UBAC1: variants seen among roughly 807,000 people sequenced by gnomAD.
UBAC1 encodes UBA domain containing 1, also known as ubiquitin-associated domain-containing protein 1.
In UBAC1, 27 loss-of-function variants were observed where a neutral mutation model predicts 45.9. The ratio of observed to expected loss-of-function variants is 0.59; its 90% confidence interval spans 0.43 to 0.81. The LOEUF (loss-of-function observed/expected upper bound fraction) is 0.81. UBAC1 is among the 30% of genes least tolerant of loss of function. The pLI, the probability that UBAC1 is intolerant of heterozygous loss-of-function variation, is 0.00. For synonymous variants in UBAC1, 227 were observed against 215.5 expected (o/e 1.05, Z -0.47); for missense variants, 529 against 539.2 (o/e 0.98, Z 0.19).
At chr9:135,940,449 A>G (rs962824175) in intron 7 of UBAC1, among the ~76,000 whole-genome samples, 13 of 151,906 alleles carry the variant, frequency 8.6e-5, no homozygotes, top group South Asian at 2.1e-4. Context: ...GCGTGGTGGC[A>G]GGCGCCTGTA....
rs994472348 is a variant in UBAC1 at position 135,952,140 on chromosome 9, G to A, written c.333+1540C>T. Among the ~76,000 whole-genome samples, 11 of 152,238 alleles carry A rather than the reference G, an allele frequency of 7.2e-5. No individual in the cohort carries two copies. The East Asian group carries it at 1.2e-3, about 16-fold the overall frequency. On this transcript the variant is annotated intron_variant, in intron 3 of 9. Transcript: ENST00000371756. ...TCTGTCCGCTGCAGATGGGTGGGGC[G>A]GCAGCCTGTGTGTCACTCATGCGTG...
chr9:135,948,566 C>A (rs1337700824), intron 3 of UBAC1, among the ~76,000 whole-genome samples: 9 of 152,256 alleles, frequency 5.9e-5, no homozygotes. Context: ...TCCAGTCCTG[C>A]CGGCAACTCC....
At chr9:135,941,637 T>C (rs1450634641) in intron 7 of UBAC1, among the ~76,000 whole-genome samples, 1 of 152,222 alleles carries the variant, frequency 6.6e-6, no homozygotes, top group Non-Finnish European at 1.5e-5. Flanking sequence ...GCCCAGGAAA[T>C]GATGCCCCAG....
In UBAC1 at chr9:135,938,248, C is replaced by A; in HGVS notation, c.1076G>T (p.Gly359Val). 1.9e-6 allele frequency: 3 copies of A among 1,614,108 alleles called. No individual in the cohort carries two copies. Among genetic ancestry groups the A allele is most frequent in the Non-Finnish European group, 2.5e-6 (3 of 1,180,022 alleles). Residue 359 changes from glycine (G) to valine (V), a missense_variant, in exon 9 of 10, where the codon GGC becomes GTC. Transcript: ENST00000371756. ...TAGCAATGTTTTCGGGTTGGTCAGGCCCAGCTGCACCACCGGGTTATCCAG... is the reference window on the plus strand; with the variant it reads ...TAGCAATGTTTTCGGGTTGGTCAGGACCAGCTGCACCACCGGGTTATCCAG... ...AILDNPVVQLGLTNPKTLLAF... is the reference protein window; with the variant it reads ...AILDNPVVQLVLTNPKTLLAF...
intron 3 of UBAC1, chr9:135,948,121 G>A: frequency 2.0e-6 from 1 of 509,076 alleles, no homozygotes; most frequent in Admixed American, 3.7e-5. Context: ...GTAAATAAGA[G>A]TGAAGCGGTA....
chr9:135,936,945 T>C (rs1423916722), intron 9 of UBAC1, among the ~76,000 whole-genome samples: 1 of 152,184 alleles, frequency 6.6e-6, no homozygotes, highest in Non-Finnish European at 1.5e-5. Flanking sequence ...AGGGTCAGCA[T>C]CCAGGAGGTG....
intron 3 of UBAC1, among the ~76,000 whole-genome samples, chr9:135,950,627 T>C (rs1839395746): frequency 6.6e-6 from 1 of 152,180 alleles, no homozygotes; most frequent in Admixed American, 6.5e-5. Context: ...ATACTAGTAA[T>C]GAAAACCCTG....
intron 9 of UBAC1, among the ~76,000 whole-genome samples, chr9:135,936,156 G>C (rs771134734): frequency 6.6e-6 from 1 of 152,078 alleles, no homozygotes; most frequent in Non-Finnish European, 1.5e-5. Context: ...ACTCTAGCCT[G>C]GGTGACAGAG....
At chr9:135,960,101 C>A (rs564468605) in intron 1 of UBAC1, among the ~76,000 whole-genome samples, 1 of 152,242 alleles carries the variant, frequency 6.6e-6, no homozygotes, top group Non-Finnish European at 1.5e-5. Context: ...CCTGTCAACA[C>A]AGATACGTCG....
chr9:135,947,550 T>C (rs939003902), intron 4 of UBAC1: 6 of 428,344 alleles, frequency 1.4e-5, no homozygotes, highest in South Asian at 5.5e-5. Context: ...CAGGGCCGGA[T>C]TGACGTTTTC....
At chr9:135,935,513 T>A (rs1839193003) in intron 9 of UBAC1, among the ~76,000 whole-genome samples, 1 of 152,122 alleles carries the variant, frequency 6.6e-6, no homozygotes, top group African/African-American at 2.4e-5. Context: ...GGCATGGTCG[T>A]GCATGCCTGT....
At chr9:135,947,260 T>C (rs1839349610) in intron 4 of UBAC1, among the ~76,000 whole-genome samples, 1 of 152,118 alleles carries the variant, frequency 6.6e-6, no homozygotes, top group Non-Finnish European at 1.5e-5. Context: ...GTGTGTTTTT[T>C]TTTTTCTTGA....
At position 135,961,124 on chromosome 9, in the gene UBAC1, C is replaced by A; in HGVS notation, c.39G>T (p.Val13=). ...CGGACGCGCAGATGTGCAGCCGCAG[C>A]ACCTTGCCCGCGAAGATCTTCTCCT... The part of the protein sequence containing the change: ...VQEEKIFAGK[V]LRLHICASDG... The change falls in exon 1 of 10, where the codon GTG becomes GTT. Residue 13 remains valine, a synonymous_variant. Transcript: ENST00000371756. 6.3e-7 allele frequency: 1 copy of A among 1,587,782 alleles called. No homozygotes were observed. Among genetic ancestry groups the A allele is most frequent in the Non-Finnish European group, 8.5e-7 (1 of 1,172,370 alleles).
chr9:135,943,149 G>A (rs1387502113), intron 7 of UBAC1, among the ~76,000 whole-genome samples: 4 of 152,178 alleles, frequency 2.6e-5, no homozygotes, highest in Non-Finnish European at 4.4e-5. Context: ...GCCGGGCGCA[G>A]TGTCTCACAC....
rs1472188090 is a variant in UBAC1, at chr9:135,961,359, C to T, written c.-197G>A. The T allele has an allele frequency of 4.7e-6, 1 of 211,474 alleles. No individual in the cohort carries two copies. Among genetic ancestry groups the T allele is most frequent in the Non-Finnish European group, 8.2e-6 (1 of 122,198 alleles). 13.1% of individuals were successfully genotyped at this position (211,474 alleles called of 1,614,324 possible). A position where few individuals can be genotyped will look rare whatever the true frequency, so the allele number is the denominator to read the frequency against. The stretch of plus-strand genomic sequence containing the variant: ...GCCTCGCTCCCGCCGCCGCAGCAGC[C>T]GCCGGGGGCGCGCCGTCGCGGCCGC... On this transcript the variant is annotated 5_prime_UTR_variant, in exon 1 of 10. Transcript: ENST00000371756.
chr9:135,954,748 C>A (rs191574649), intron 2 of UBAC1, among the ~76,000 whole-genome samples: 3 of 152,240 alleles, frequency 2.0e-5, no homozygotes, highest in Non-Finnish European at 4.4e-5. Flanking sequence ...CGGCCCACGA[C>A]GGTGCCCATC....
At chr9:135,945,477 G>C in intron 6 of UBAC1, 1 of 523,708 alleles carries the variant, frequency 1.9e-6, no homozygotes. Context: ...TCTAAGGAGA[G>C]GCAAGCGGAC....
Position 135,945,925 on chromosome 9 carries a change from G to C in UBAC1, c.617C>G (p.Pro206Arg). 1 of 1,614,020 alleles carries C rather than the reference G, an allele frequency of 6.2e-7. No homozygotes were observed. The highest frequency in any genetic ancestry group is 1.1e-5 in the South Asian group (1 of 91,084). ...ALRQLTEMGFPENRATKALQL... is the reference protein window; with the variant it reads ...ALRQLTEMGFRENRATKALQL... ...AAGGGCCTTGGTGGCTCTGTTCTCC[G>C]GAAAGCCCATCTCCGTGAGCTGCCG... Residue 206 changes from proline to arginine, a missense_variant, in exon 6 of 10, where the codon CCG becomes CGG. Physicochemically the swap from Pro to Arg is moderately radical, Grantham distance 103 (BLOSUM62 -2). Coordinates refer to ENST00000371756, the MANE Select transcript of UBAC1 (RefSeq NM_016172.3).
intron 7 of UBAC1, among the ~76,000 whole-genome samples, chr9:135,944,210 G>A (rs983931629): frequency 3.9e-5 from 6 of 152,186 alleles, no homozygotes; most frequent in African/African-American, 1.4e-4. Flanking sequence ...CGAAGCCGGG[G>A]GTTACACTGC....
Sources: gnomAD v4.1 joint callset for allele counts (sites outside exome capture counted in the v4.1 genomes callset) on GRCh38, gnomAD v4.1.1 for gene constraint, MANE v1.5 for transcripts, NCBI Gene and HGNC (gene_info 2026-07-23, HGNC 2026-07-21) for gene names.